The following ZEB1 variants were observed in gnomAD, a reference collection of about 807,000 sequenced individuals.
ZEB1 encodes the protein zinc finger E-box-binding homeobox 1.
ZEB1 carries 21 observed loss-of-function variants against 84.9 expected under a neutral mutation model. The observed-to-expected ratio is 0.25, with a 90% CI of 0.18 to 0.36. The LOEUF (loss-of-function observed/expected upper bound fraction) is 0.36. Ranked by LOEUF, ZEB1 falls within the 10% of genes least tolerant of loss-of-function variation. The pLI is 1.00. For missense variants in ZEB1, 1,104 were observed against 1,330.2 expected, an observed-to-expected ratio of 0.83 and a Z score of 2.65; for synonymous variants, 420 against 471.1, an observed-to-expected ratio of 0.89 and a Z score of 1.41.
chr10:31,407,656 C>A (rs1374486196), intron 1 of ZEB1, among the ~76,000 whole-genome samples: 2 of 152,112 alleles, frequency 1.3e-5, no homozygotes, highest in Non-Finnish European at 2.9e-5. Context: ...ATGATTATCT[C>A]AATAGATGCA....
intron 2 of ZEB1, among the ~76,000 whole-genome samples, chr10:31,476,816 A>T (rs1014851682): frequency 1.3e-5 from 2 of 152,112 alleles, no homozygotes; most frequent in Non-Finnish European, 1.5e-5. Context: ...CGATATGATC[A>T]TGTCAATCAA....
At chr10:31,375,901 G>T (rs1008951938) in intron 1 of ZEB1, among the ~76,000 whole-genome samples, 4 of 151,694 alleles carry the variant, frequency 2.6e-5, no homozygotes, top group Non-Finnish European at 5.9e-5. Context: ...TTTGGCAGAA[G>T]TTATGAAGAA....
Position 31,529,608 on chromosome 10 carries a change from G to A in ZEB1, c.*2344G>A, listed in dbSNP as rs1038242717. ...CACATTCCTCACTGCCTAACAGGGTGCCTGGCATAAGTTGGGACAACAGAT... is the reference window on the plus strand; with the variant it reads ...CACATTCCTCACTGCCTAACAGGGTACCTGGCATAAGTTGGGACAACAGAT... On this transcript the variant is annotated 3_prime_UTR_variant, in exon 9 of 9. Coordinates refer to ENST00000424869, the MANE Select transcript of ZEB1 (RefSeq NM_001174096.2). 2.0e-5 allele frequency: 3 copies of A among 152,186 alleles called. No homozygotes were observed. Among genetic ancestry groups the A allele is most frequent in the African/African-American group, 7.2e-5 (3 of 41,442 alleles). The allele number at this position is 152,186 out of a possible 1,614,324, so 9.4% of individuals were successfully genotyped here.
intron 1 of ZEB1, among the ~76,000 whole-genome samples, chr10:31,380,341 T>C (rs963923422): frequency 6.6e-6 from 1 of 152,202 alleles, no homozygotes; most frequent in Non-Finnish European, 1.5e-5. Flanking sequence ...TTAATTAGTT[T>C]CAGGTTCAGC....
chr10:31,438,203 G>C (rs2136415151), intron 1 of ZEB1, among the ~76,000 whole-genome samples: 1 of 152,344 alleles, frequency 6.6e-6, no homozygotes, highest in South Asian at 2.1e-4. Context: ...GCTGGAAGGA[G>C]AAGTCACTTG....
At chr10:31,455,048 C>T (rs899780693) in intron 1 of ZEB1, among the ~76,000 whole-genome samples, 1 of 152,184 alleles carries the variant, frequency 6.6e-6, no homozygotes, top group African/African-American at 2.4e-5. Flanking sequence ...CAGCATGGTA[C>T]TGGTATCAAA....
At chr10:31,510,586 C>T (rs1400238478) in intron 4 of ZEB1, 87 bp from the exon 5 acceptor site, 3 of 1,075,878 alleles carry the variant, frequency 2.8e-6, no homozygotes, top group Non-Finnish European at 4.2e-6. Flanking sequence ...AGCACAATAT[C>T]TGGAACATAG....
rs549221187 is a variant in ZEB1 at position 31,515,514 on chromosome 10, T to G, written c.793+806T>G. Among the ~76,000 whole-genome samples the G allele has an allele frequency of 9.8e-4, 149 of 152,238 alleles. 3 individuals carry two copies. The highest frequency in any genetic ancestry group is 3.4e-3 in the Middle Eastern group (1 of 294). The stretch of plus-strand genomic sequence containing the variant: ...ATGGGAAATTATGGGTTTTCACACA[T>G]TGCTTATTTTGTGAAAATTATGTAT... On this transcript the variant is annotated intron_variant, in intron 6 of 8. Transcript: ENST00000424869.
chr10:31,443,619 G>A (rs1175968409), intron 1 of ZEB1, among the ~76,000 whole-genome samples: 3 of 136,402 alleles, frequency 2.2e-5, no homozygotes, highest in Admixed American at 8.6e-5. Flanking sequence ...GTGTCCATGT[G>A]CTCTCATTGT....
chr10:31,475,405 C>T (rs1046322565), intron 2 of ZEB1, among the ~76,000 whole-genome samples: 4 of 152,054 alleles, frequency 2.6e-5, no homozygotes, highest in African/African-American at 9.7e-5. Flanking sequence ...ATCACCCAAT[C>T]TTCTAGAGAT....
intron 1 of ZEB1, among the ~76,000 whole-genome samples, chr10:31,395,636 G>A (rs2050578423): frequency 6.6e-6 from 1 of 152,146 alleles, no homozygotes; most frequent in Non-Finnish European, 1.5e-5. Flanking sequence ...GTGCCACAGG[G>A]GGAACCCTGA....
intron 1 of ZEB1, among the ~76,000 whole-genome samples, chr10:31,437,279 A>C (rs1215046231): frequency 6.6e-6 from 1 of 152,172 alleles, no homozygotes; most frequent in African/African-American, 2.4e-5. Context: ...TCATATTTGC[A>C]AAGATTACGT....
At chr10:31,344,513 T>C (rs1170757223) in intron 1 of ZEB1, among the ~76,000 whole-genome samples, 1 of 152,110 alleles carries the variant, frequency 6.6e-6, no homozygotes, top group East Asian at 1.9e-4. Flanking sequence ...TGTTAGAAAA[T>C]TAGTAATATG....
chr10:31,345,662 A>G (rs1272130815), intron 1 of ZEB1, among the ~76,000 whole-genome samples: 1 of 152,082 alleles, frequency 6.6e-6, no homozygotes, highest in Non-Finnish European at 1.5e-5. Context: ...TGATACTCTA[A>G]AAGGAGAATG....
At chr10:31,500,159 A>G (rs1250487706) in intron 3 of ZEB1, among the ~76,000 whole-genome samples, 3 of 152,266 alleles carry the variant, frequency 2.0e-5, no homozygotes, top group African/African-American at 4.8e-5. Context: ...GCAACTCTAC[A>G]TGGAATCTGT....
chr10:31,432,339 A>G lies in ZEB1; in HGVS notation c.59-28698A>G, dbSNP rs201161582. On this transcript the variant is annotated intron_variant, in intron 1 of 8. Coordinates refer to ENST00000424869, the MANE Select transcript of ZEB1 (RefSeq NM_001174096.2). ...CATGGTGGCTCACACCTGTAATCCTAGCAGTTTGGGAGGCCAAGGCAGGTG... is the reference window on the plus strand; with the variant it reads ...CATGGTGGCTCACACCTGTAATCCTGGCAGTTTGGGAGGCCAAGGCAGGTG... 2.6e-5 allele frequency among the ~76,000 whole-genome samples: 4 copies of G among 152,326 alleles called. No homozygotes were observed. In the East Asian group the frequency reaches 7.7e-4, roughly 29 times the overall value.
intron 1 of ZEB1, among the ~76,000 whole-genome samples, chr10:31,367,630 C>G (rs1393826297): frequency 1.3e-5 from 2 of 152,082 alleles, no homozygotes; most frequent in African/African-American, 4.8e-5. Context: ...ATAAATAGGT[C>G]AAGAATCCAT....
intron 3 of ZEB1, among the ~76,000 whole-genome samples, chr10:31,500,073 A>T (rs2067896620): frequency 6.6e-6 from 1 of 152,068 alleles, no homozygotes; most frequent in Admixed American, 6.5e-5. Flanking sequence ...GGATGTAGAA[A>T]ATATAAGATG....
At chr10:31,350,481 C>T (rs2041130071) in intron 1 of ZEB1, among the ~76,000 whole-genome samples, 2 of 152,218 alleles carry the variant, frequency 1.3e-5, no homozygotes, top group South Asian at 4.1e-4. Context: ...TCTAGTCTGT[C>T]TATACTGATC....
Sources: allele counts gnomAD v4.1 joint callset (sites outside exome capture counted in the v4.1 genomes callset), GRCh38; gene constraint gnomAD v4.1.1; transcripts MANE v1.5; gene names NCBI Gene and HGNC (gene_info 2026-07-23, HGNC 2026-07-21).